Variants in LMBRD1 observed in about 807,000 individuals in gnomAD.
The protein encoded by LMBRD1 is lysosomal cobalamin transport escort protein LMBD1.
A neutral mutation model predicts 74.8 loss-of-function variants in LMBRD1; 64 were observed. That is an observed-to-expected ratio of 0.86 (90% confidence interval 0.70 to 1.05). The LOEUF (loss-of-function observed/expected upper bound fraction) is 1.05, where lower values mean the gene tolerates loss of function less well. Among genes scored for constraint, LMBRD1 ranks in the 50% least tolerant of loss-of-function variants. LMBRD1 has a pLI of 0.00. For synonymous variants in LMBRD1, 204 were observed against 216.3 expected, an observed-to-expected ratio of 0.94 and a Z score of 0.50; for missense variants, 652 against 645.9, an observed-to-expected ratio of 1.01 and a Z score of -0.10.
At chr6:69,730,161 G>T (rs1418973808) in intron 7 of LMBRD1, among the ~76,000 whole-genome samples, 1 of 151,982 alleles carries the variant, frequency 6.6e-6, no homozygotes, top group Non-Finnish European at 1.5e-5. Context: ...AACTGTATTT[G>T]AAAACTAAAA....
intron 9 of LMBRD1, among the ~76,000 whole-genome samples, chr6:69,707,438 A>G (rs1157406787): frequency 6.6e-6 from 1 of 152,198 alleles, no homozygotes; most frequent in Non-Finnish European, 1.5e-5. Flanking sequence ...AAGGCACTGT[A>G]TCTACCATAA....
chr6:69,754,389 A>G (rs527248941), intron 3 of LMBRD1, among the ~76,000 whole-genome samples: 9 of 152,350 alleles, frequency 5.9e-5, no homozygotes, highest in African/African-American at 2.2e-4. Context: ...AACATTTGCT[A>G]GCACTATCTC....
chr6:69,781,998 G>A (rs565973499), intron 2 of LMBRD1, among the ~76,000 whole-genome samples: 3 of 152,164 alleles, frequency 2.0e-5, no homozygotes, highest in South Asian at 2.1e-4. Flanking sequence ...CTAATAAAAC[G>A]TGAAAATCCA....
chr6:69,684,015 G>A (rs550115887), intron 14 of LMBRD1, among the ~76,000 whole-genome samples: 1 of 152,044 alleles, frequency 6.6e-6, no homozygotes, highest in East Asian at 1.9e-4. Flanking sequence ...AATGTGAATG[G>A]ATCATCAAAT....
intron 14 of LMBRD1, 146 bp downstream of exon 14, chr6:69,697,417 C>A: frequency 1.6e-6 from 1 of 627,922 alleles, no homozygotes. Flanking sequence ...ACAAGAAATT[C>A]TACTGAAGAG....
intron 7 of LMBRD1, among the ~76,000 whole-genome samples, chr6:69,725,150 C>T (rs986958393): frequency 2.0e-5 from 3 of 151,852 alleles, no homozygotes; most frequent in African/African-American, 7.3e-5. Context: ...TAGGAATTAA[C>T]TTAACCAAAA....
In LMBRD1 at chr6:69,752,353, A is replaced by G. The variant is rs1415201323; in HGVS notation, c.311T>C (p.Leu104Ser). 6.2e-6 allele frequency: 10 copies of G among 1,605,598 alleles called. No homozygotes were observed. Among genetic ancestry groups the G allele is most frequent in the African/African-American group, 1.3e-5 (1 of 74,756 alleles). ...CACACAGAACAATATAACAGAATATAAAGCTGTGGAAATAAATAATAAACC... is the reference window on the plus strand; with the variant it reads ...CACACAGAACAATATAACAGAATATGAAGCTGTGGAAATAAATAATAAACC... ...EDTVLYGYYT[L>S]YSVILFCVFF... Residue 104 changes from leucine to serine, a missense_variant, in exon 4 of 16, where the codon TTA (leucine) becomes TCA (serine). Physicochemically the swap from Leu to Ser is moderately radical, Grantham distance 145. Around this residue, in one of 3 missense-constraint regions of LMBRD1, gnomAD observed 598 missense variants for 581.8 expected, o/e 1.03. Coordinates refer to ENST00000649934, the MANE Select transcript of LMBRD1 (RefSeq NM_018368.4).
At chr6:69,779,682 T>C (rs1765784100) in intron 3 of LMBRD1, among the ~76,000 whole-genome samples, 1 of 152,192 alleles carries the variant, frequency 6.6e-6, no homozygotes. Flanking sequence ...ACTGAACTGC[T>C]ACAAAGAAGT....
chr6:69,713,493 CAA>C (rs1437260421), intron 9 of LMBRD1, 150 bp downstream of exon 9: 7 of 725,030 alleles, frequency 9.7e-6, no homozygotes, highest in Admixed American at 5.5e-5. Flanking sequence ...CCCAAACTAC[CAA>C]AGAGAGCTGT....
chr6:69,784,516 C>T (rs1001685741), intron 2 of LMBRD1, among the ~76,000 whole-genome samples: 15 of 152,274 alleles, frequency 9.9e-5, no homozygotes, highest in Admixed American at 3.9e-4. Flanking sequence ...AGTCAGTATA[C>T]TACAGGAATC....
At chr6:69,788,861 C>A (rs1766018147) in intron 2 of LMBRD1, among the ~76,000 whole-genome samples, 1 of 152,212 alleles carries the variant, frequency 6.6e-6, no homozygotes, top group Non-Finnish European at 1.5e-5. Flanking sequence ...CTCTCTGGAA[C>A]CAAACTGCAG....
chr6:69,694,277 C>T (rs183086548), intron 14 of LMBRD1, among the ~76,000 whole-genome samples: 2 of 152,200 alleles, frequency 1.3e-5, no homozygotes, highest in East Asian at 3.9e-4. Flanking sequence ...ACTATTGTAA[C>T]AATTTGAACA....
At chr6:69,711,752 T>C (rs545983311) in intron 9 of LMBRD1, among the ~76,000 whole-genome samples, 80 of 152,318 alleles carry the variant, frequency 5.3e-4, no homozygotes, top group Non-Finnish European at 1.0e-3. Flanking sequence ...TGCATTTCTT[T>C]CTAATTATAA....
intron 14 of LMBRD1, among the ~76,000 whole-genome samples, chr6:69,689,797 T>C (rs963134148): frequency 1.3e-5 from 2 of 152,106 alleles, no homozygotes; most frequent in African/African-American, 2.4e-5. Context: ...TTTAAAAATG[T>C]TTTAGACTTT....
intron 9 of LMBRD1, among the ~76,000 whole-genome samples, chr6:69,711,621 A>AT (rs1366539209): frequency 1.3e-5 from 2 of 152,140 alleles, no homozygotes; most frequent in Admixed American, 6.5e-5. Flanking sequence ...ACTGGGATGA[A>AT]TTTTTTAAAA....
chr6:69,686,480 T>G (rs530387276), intron 14 of LMBRD1, among the ~76,000 whole-genome samples: 2 of 152,176 alleles, frequency 1.3e-5, no homozygotes, highest in East Asian at 3.9e-4. Flanking sequence ...AAAAAAGAAA[T>G]GTATAACCTT....
chr6:69,753,307 CAT>C (rs1311673282), intron 3 of LMBRD1, among the ~76,000 whole-genome samples: 3 of 151,912 alleles, frequency 2.0e-5, no homozygotes, highest in Non-Finnish European at 4.4e-5. Flanking sequence ...ATTCATGAAA[CAT>C]AATAGTACCA....
intron 7 of LMBRD1, among the ~76,000 whole-genome samples, chr6:69,726,777 C>CA (rs34775384): frequency 0.01 from 1,134 of 109,704 alleles, 10 homozygotes; most frequent in African/African-American, 0.023. Context: ...TTACTAGGTA[C>CA]AAAAAAAAAA....
At chr6:69,716,019 G>A (rs369260475) in intron 8 of LMBRD1, among the ~76,000 whole-genome samples, 1 of 152,118 alleles carries the variant, frequency 6.6e-6, no homozygotes, top group African/African-American at 2.4e-5. Flanking sequence ...GTCTACCATT[G>A]ATGAGCATTT....
Sources: gnomAD v4.1 joint callset for allele counts (sites outside exome capture counted in the v4.1 genomes callset) on GRCh38, gnomAD v4.1.1 for gene constraint, gnomAD v4.1.1 regional missense constraint, MANE v1.5 for transcripts, NCBI Gene and HGNC (gene_info 2026-07-23, HGNC 2026-07-21) for gene names.